PRDM16: variants seen among roughly 807,000 people sequenced by gnomAD.
PRDM16 encodes the protein histone-lysine N-methyltransferase PRDM16.
PRDM16 carries 23 observed loss-of-function variants against 110.6 expected under a neutral mutation model. That is an observed-to-expected ratio of 0.21 (90% confidence interval 0.15 to 0.29). The LOEUF is 0.29. Ranked by LOEUF, PRDM16 falls within the 10% of genes least tolerant of loss-of-function variation. PRDM16 has a pLI of 1.00. For synonymous variants in PRDM16, 799 were observed against 781.8 expected (o/e 1.02, Z -0.37); for missense variants, 1,615 against 1,794.3 (o/e 0.90, Z 1.81).
intron 1 of PRDM16, among the ~76,000 whole-genome samples, chr1:3,176,126 T>C (rs12756210): frequency 0.023 from 3,361 of 143,792 alleles, 2 homozygotes; most frequent in Admixed American, 0.03. Context: ...CATTCCTTCA[T>C]TAACCCATCC....
intron 3 of PRDM16, among the ~76,000 whole-genome samples, chr1:3,362,974 G>A (rs899279780): frequency 7.2e-5 from 11 of 152,202 alleles, no homozygotes; most frequent in South Asian, 2.1e-4. Context: ...ACACCACAGC[G>A]TGCATCATTA....
At chr1:3,219,588 C>A (rs902719751) in intron 2 of PRDM16, among the ~76,000 whole-genome samples, 9 of 152,314 alleles carry the variant, frequency 5.9e-5, no homozygotes, top group Non-Finnish European at 1.3e-4. Flanking sequence ...CCAGGTCTGT[C>A]TGCAGTGTTC....
rs1469741922 is a variant in PRDM16 at position 3,206,574 on chromosome 1, C to T, written c.387+20100C>T. 6.6e-6 allele frequency: 1 copy of T among 152,252 alleles called. No individual in the cohort carries two copies. Among genetic ancestry groups the T allele is most frequent in the Non-Finnish European group, 1.5e-5 (1 of 68,076 alleles). The allele number at this position is 152,252 out of a possible 1,614,324, so 9.4% of individuals were successfully genotyped here. ...TCTGCTCACCCTCCGGACACACACG[C>T]ATGCCTTCCCACGCTCCTGTGCACA... On this transcript the variant is annotated intron_variant, in intron 2 of 16. Coordinates refer to ENST00000270722, the MANE Select transcript of PRDM16 (RefSeq NM_022114.4). The surrounding 1 kb of genome is among the most constrained non-coding windows in gnomAD (Gnocchi z 4.9).
intron 4 of PRDM16, among the ~76,000 whole-genome samples, chr1:3,392,530 G>A (rs537016210): frequency 1.7e-4 from 26 of 152,322 alleles, no homozygotes; most frequent in Non-Finnish European, 1.6e-4. Flanking sequence ...TCGTCTATTT[G>A]TATTGTTAAA....
chr1:3,082,332 G>A (rs954406579), intron 1 of PRDM16, among the ~76,000 whole-genome samples: 4 of 152,214 alleles, frequency 2.6e-5, no homozygotes, highest in Non-Finnish European at 5.9e-5. Flanking sequence ...AGGGCGCCTC[G>A]GGGTCTGCCT....
intron 2 of PRDM16, among the ~76,000 whole-genome samples, chr1:3,202,200 C>T (rs1481305503): frequency 6.6e-6 from 1 of 152,192 alleles, no homozygotes; most frequent in Non-Finnish European, 1.5e-5. Context: ...CTTGGCATTA[C>T]ATGAGGGGAA....
chr1:3,376,420 C>A (rs2493311), intron 3 of PRDM16, among the ~76,000 whole-genome samples: 15,828 of 152,216 alleles, frequency 0.1, 2,653 homozygotes, highest in African/African-American at 0.35. Flanking sequence ...GTCACAGGGT[C>A]CTCTTGCTGC....
intron 3 of PRDM16, among the ~76,000 whole-genome samples, chr1:3,348,051 A>G (rs999064807): frequency 3.3e-5 from 5 of 152,068 alleles, no homozygotes; most frequent in Non-Finnish European, 5.9e-5. Flanking sequence ...CAGGCTGCCC[A>G]TGCCTCTGGT....
At position 3,362,046 on chromosome 1, in the gene PRDM16, GT is replaced by G. The variant is rs759660671; in HGVS notation, c.439-23105del. The stretch of plus-strand genomic sequence containing the variant: ...GAGAAGTGACTGTGGCCCGGGAGGG[GT>G]GTCTGCTGGTAGCCAGCTGGTCCCG... On this transcript the variant is annotated intron_variant, in intron 3 of 16. Transcript: ENST00000270722. 7.9e-4 allele frequency among the ~76,000 whole-genome samples: 121 copies of G among 152,228 alleles called. 1 individual carries two copies. Among genetic ancestry groups the G allele is most frequent in the Admixed American group, 1.5e-3 (23 of 15,302 alleles).
chr1:3,211,832 C>T (rs4648369), intron 2 of PRDM16, among the ~76,000 whole-genome samples: 44,718 of 151,972 alleles, frequency 0.29, 9,007 homozygotes, highest in African/African-American at 0.58. Flanking sequence ...CGTGTGCGTG[C>T]GCGTGCATCC....
intron 3 of PRDM16, among the ~76,000 whole-genome samples, chr1:3,349,216 T>C (rs1642426944): frequency 6.6e-6 from 1 of 152,128 alleles, no homozygotes. Flanking sequence ...GCAGCATTCC[T>C]GGGCCTGCTC....
chr1:3,135,490 T>A (rs1463439575), intron 1 of PRDM16, among the ~76,000 whole-genome samples: 1 of 152,224 alleles, frequency 6.6e-6, no homozygotes, highest in East Asian at 1.9e-4. Context: ...CAGGAGCTCT[T>A]AGCAGCCGCT....
chr1:3,233,594 G>A (rs1481686627), intron 2 of PRDM16, among the ~76,000 whole-genome samples: 3 of 152,222 alleles, frequency 2.0e-5, no homozygotes, highest in African/African-American at 7.2e-5. Context: ...GGCCAGCCTG[G>A]CCTGGTCCTC....
At chr1:3,394,830 T>A (rs549958997) in intron 4 of PRDM16, among the ~76,000 whole-genome samples, 1 of 142,558 alleles carries the variant, frequency 7.0e-6, no homozygotes, top group Non-Finnish European at 1.5e-5. Context: ...AAAGAGACAA[T>A]GATTCAGCCA....
rs150980724 is a variant in PRDM16, at chr1:3,109,005, C to T, written c.37+39709C>T. ...GCTGAGGTATGAGAATTGCTTGAAC[C>T]TGGGAGGTGGAGGTTGCAGTGAGCC... is the stretch of plus-strand genomic sequence containing the variant. On this transcript the variant is annotated intron_variant, in intron 1 of 16. Transcript: ENST00000270722. Among the ~76,000 whole-genome samples the T allele has an allele frequency of 6.6e-5, 10 of 151,808 alleles. No individual in the cohort carries two copies. The East Asian group carries it at 1.9e-3, about 29-fold the overall frequency.
Position 3,412,649 on chromosome 1 carries a change from G to A in PRDM16, c.2452G>A (p.Gly818Ser), listed in dbSNP as rs201904226. ...GSRARASQNG[G>S]GREPRKNHVY... ...CCGGGCCCGTGCCAGCCAAAACGGC[G>A]GCGGGCGGGAGCCCCGCAAGAACCA... is the stretch of plus-strand genomic sequence containing the variant. The change falls in exon 9 of 17, where the codon GGC becomes AGC. Residue 818 changes from glycine (G) to serine (S), a missense_variant. Around this residue, in one of 5 missense-constraint regions of PRDM16, gnomAD observed 772 missense variants for 748.3 expected, o/e 1.03. Coordinates refer to ENST00000270722, the MANE Select transcript of PRDM16 (RefSeq NM_022114.4). 2.1e-3 allele frequency: 3,199 copies of A among 1,548,246 alleles called. 11 individuals are homozygous for A. The highest frequency in any genetic ancestry group is 2.5e-3 in the South Asian group (208 of 84,512).
intron 3 of PRDM16, among the ~76,000 whole-genome samples, chr1:3,270,860 G>T (rs752762801): frequency 1.3e-5 from 2 of 150,664 alleles, no homozygotes; most frequent in African/African-American, 2.4e-5. Context: ...GGAGGACAGT[G>T]GGGAGGAGGA....
chr1:3,194,696 G>A (rs1202873815), intron 2 of PRDM16, among the ~76,000 whole-genome samples: 5 of 150,840 alleles, frequency 3.3e-5, no homozygotes, highest in East Asian at 2.0e-4. Flanking sequence ...ACACGCCATC[G>A]TCTCCCCGCC....
At chr1:3,115,857 C>T (rs1057481180) in intron 1 of PRDM16, among the ~76,000 whole-genome samples, 3 of 152,248 alleles carry the variant, frequency 2.0e-5, no homozygotes, top group Non-Finnish European at 4.4e-5. Flanking sequence ...CCCACCTCTT[C>T]TCTTCTCTGG....
Sources: allele counts gnomAD v4.1 joint callset (sites outside exome capture counted in the v4.1 genomes callset), GRCh38; gene constraint gnomAD v4.1.1; regional missense constraint gnomAD v4.1.1; non-coding constraint Gnocchi (gnomAD v3.1); transcripts MANE v1.5; gene names NCBI Gene and HGNC (gene_info 2026-07-23, HGNC 2026-07-21).